Variants in L3MBTL3 observed in about 807,000 individuals in gnomAD.
L3MBTL3 encodes the protein L3MBTL histone methyl-lysine binding protein 3, also known as lethal(3)malignant brain tumor-like protein 3.
Under a neutral mutation model 102.3 loss-of-function variants are expected in L3MBTL3, and 27 were observed. The ratio of observed to expected loss-of-function variants is 0.26; its 90% CI spans 0.19 to 0.36. L3MBTL3 has a LOEUF of 0.36. Ranked by LOEUF, L3MBTL3 falls within the 10% of genes least tolerant of loss-of-function variation. The pLI, the probability that L3MBTL3 is intolerant of heterozygous loss-of-function variation, is 1.00. For synonymous variants in L3MBTL3, 340 were observed against 320.9 expected, an observed-to-expected ratio of 1.06 and a Z score of -0.64; for missense variants, 798 against 955.3, an observed-to-expected ratio of 0.84 and a Z score of 2.17.
At chr6:130,061,758 G>A (rs183069356) in intron 10 of L3MBTL3, among the ~76,000 whole-genome samples, 59 of 152,286 alleles carry the variant, frequency 3.9e-4, no homozygotes, top group African/African-American at 1.2e-3. Flanking sequence ...AGCGCAAGGC[G>A]TGAGTTGCTA....
chr6:130,037,202 T>G (rs1319077298), intron 2 of L3MBTL3, among the ~76,000 whole-genome samples: 1 of 152,208 alleles, frequency 6.6e-6, no homozygotes, highest in African/African-American at 2.4e-5. Flanking sequence ...TGCTATTATA[T>G]TTATGGAGAC....
chr6:130,138,452 CG>C (rs1447567803), intron 22 of L3MBTL3: 1 of 152,294 alleles, frequency 6.6e-6, no homozygotes, highest in Non-Finnish European at 1.5e-5. Flanking sequence ...TGGGTCTTTA[CG>C]TTGCCTTCCC....
intron 20 of L3MBTL3, among the ~76,000 whole-genome samples, chr6:130,128,177 T>C: frequency 6.6e-6 from 1 of 152,192 alleles, no homozygotes; most frequent in Non-Finnish European, 1.5e-5. Context: ...TGCAGTAAAC[T>C]TTAGTAGTGA....
At position 130,049,746 on chromosome 6, in the gene L3MBTL3, ACATCTCC is replaced by A. The variant is rs1780972408; in HGVS notation, c.215-9_215-3del. On this transcript the variant is annotated splice_region_variant and splice_polypyrimidine_tract_variant and intron_variant, in intron 4 of 22. Transcript: ENST00000361794. ...CTATATGCTGATGACTCCTAAATCT[ACATCTCC>A]AGCCCCGACCTCTCCCCCGAGCTCC... is the stretch of plus-strand genomic sequence containing the variant. The A allele has an allele frequency of 6.2e-7, 1 of 1,613,916 alleles. No individual in the cohort carries two copies. Among genetic ancestry groups the A allele is most frequent in the African/African-American group, 1.3e-5 (1 of 75,010 alleles).
At chr6:130,106,705 T>A (rs1310187749) in intron 19 of L3MBTL3, among the ~76,000 whole-genome samples, 1 of 152,174 alleles carries the variant, frequency 6.6e-6, no homozygotes, top group Non-Finnish European at 1.5e-5. Context: ...AATCATCTCC[T>A]CCCCTTCCAA....
intron 3 of L3MBTL3, among the ~76,000 whole-genome samples, chr6:130,044,319 A>T (rs927212483): frequency 6.6e-6 from 1 of 152,176 alleles, no homozygotes; most frequent in Non-Finnish European, 1.5e-5. Flanking sequence ...GTGACTTACT[A>T]TGTACAGTGC....
intron 9 of L3MBTL3, among the ~76,000 whole-genome samples, chr6:130,059,480 A>G (rs899432376): frequency 5.3e-5 from 8 of 152,224 alleles, no homozygotes; most frequent in African/African-American, 1.9e-4. Context: ...TTGCACATAC[A>G]TGCATGTATA....
At chr6:130,035,689 C>T (rs1333755216) in intron 2 of L3MBTL3, among the ~76,000 whole-genome samples, 1 of 152,150 alleles carries the variant, frequency 6.6e-6, no homozygotes, top group Non-Finnish European at 1.5e-5. Flanking sequence ...CAGCCATGGT[C>T]AGCCATGACA....
chr6:130,092,633 T>C, intron 16 of L3MBTL3, 112 bp from the exon 17 acceptor site: 1 of 619,966 alleles, frequency 1.6e-6, no homozygotes, highest in Non-Finnish European at 2.9e-6. Flanking sequence ...ATTTATTGGG[T>C]TTTAAATCTA....
chr6:130,113,990 C>T (rs1329683182), intron 19 of L3MBTL3, among the ~76,000 whole-genome samples: 1 of 152,184 alleles, frequency 6.6e-6, no homozygotes, highest in African/African-American at 2.4e-5. Flanking sequence ...ATGAGGTCTT[C>T]TGGGCCGAGA....
intron 13 of L3MBTL3, among the ~76,000 whole-genome samples, chr6:130,074,439 A>G (rs1488113690): frequency 6.6e-6 from 1 of 152,170 alleles, no homozygotes; most frequent in Non-Finnish European, 1.5e-5. Context: ...CAGTTGTTAG[A>G]TTTAGGAATA....
At position 130,104,429 on chromosome 6, in the gene L3MBTL3, T is replaced by C; in HGVS notation, c.1740T>C (p.Ala580=). Residue 580 remains alanine, a synonymous_variant, in exon 19 of 23, where the codon GCT becomes GCC. Transcript: ENST00000361794. The part of the protein sequence containing the change: ...KRARHLGPHS[A]ANCPYSEINL... Reference sequence around the variant, plus strand: ...TTCTTTTCTTTTAATCTGTTAGTGCTGCCAACTGTCCCTATTCAGAAATCA... The same window carrying C: ...TTCTTTTCTTTTAATCTGTTAGTGCCGCCAACTGTCCCTATTCAGAAATCA... 1 of 1,542,896 alleles carries C rather than the reference T, an allele frequency of 6.5e-7. No individual in the cohort carries two copies. Among genetic ancestry groups the C allele is most frequent in the Non-Finnish European group, 8.7e-7 (1 of 1,149,590 alleles).
chr6:130,043,634 C>T lies in L3MBTL3; in HGVS notation c.102+833C>T, dbSNP rs912426550. Among the ~76,000 whole-genome samples, 7 of 152,326 alleles carry T rather than the reference C, an allele frequency of 4.6e-5. 1 individual carries two copies. The South Asian group carries it at 1.5e-3, about 32-fold the overall frequency. ...GTATTTGAACTTCACATCTCCCCAACAGGCCATTGCTGGGCTTACCTCTCA... is the reference window on the plus strand; with the variant it reads ...GTATTTGAACTTCACATCTCCCCAATAGGCCATTGCTGGGCTTACCTCTCA... On this transcript the variant is annotated intron_variant, in intron 3 of 22. Coordinates refer to ENST00000361794, the MANE Select transcript of L3MBTL3 (RefSeq NM_032438.4).
chr6:130,125,540 G>A (rs1786539869), intron 20 of L3MBTL3, among the ~76,000 whole-genome samples: 1 of 152,092 alleles, frequency 6.6e-6, no homozygotes, highest in Admixed American at 6.5e-5. Flanking sequence ...AAGGTCTTTT[G>A]TGAAGAACAC....
chr6:130,127,219 C>G (rs1369490768), intron 20 of L3MBTL3, among the ~76,000 whole-genome samples: 1 of 152,134 alleles, frequency 6.6e-6, no homozygotes, highest in Non-Finnish European at 1.5e-5. Context: ...GATGAGACTT[C>G]TAAGTTGGCA....
Position 130,139,701 on chromosome 6 carries a change from A to G in L3MBTL3, c.2291A>G (p.Asn764Ser), listed in dbSNP as rs768279116. 3.7e-6 allele frequency: 6 copies of G among 1,613,270 alleles called. No homozygotes were observed. The highest frequency in any genetic ancestry group is 2.2e-5 in the East Asian group (1 of 44,804). The change falls in exon 23 of 23, where the codon AAT becomes AGT. Residue 764 changes from asparagine to serine, a missense_variant. By Grantham distance (46) the Asn-to-Ser change is conservative. Transcript: ENST00000361794. The part of the protein sequence containing the change: ...IKLGPALKIF[N>S]SILMFKAAEK... ...CTGGGCCCTGCTCTCAAAATTTTCA[A>G]TTCCATCCTGATGTTCAAAGCTGCA...
intron 20 of L3MBTL3, among the ~76,000 whole-genome samples, chr6:130,126,652 A>G (rs1394161335): frequency 6.6e-6 from 1 of 152,112 alleles, no homozygotes; most frequent in Admixed American, 6.6e-5. Context: ...CCTGTACTCA[A>G]CCAGAAATGA....
intron 18 of L3MBTL3, among the ~76,000 whole-genome samples, chr6:130,099,333 C>T (rs368024632): frequency 6.6e-6 from 1 of 152,080 alleles, no homozygotes; most frequent in East Asian, 1.9e-4. Context: ...AACATACACA[C>T]GTTATGTGGT....
intron 18 of L3MBTL3, among the ~76,000 whole-genome samples, chr6:130,100,290 G>A (rs2115314338): frequency 6.6e-6 from 1 of 152,268 alleles, no homozygotes; most frequent in East Asian, 1.9e-4. Flanking sequence ...ATTGAGTGGA[G>A]GATGAAGCAG....
Sources: gnomAD v4.1 joint callset for allele counts (sites outside exome capture counted in the v4.1 genomes callset) on GRCh38, gnomAD v4.1.1 for gene constraint, MANE v1.5 for transcripts, NCBI Gene and HGNC (gene_info 2026-07-23, HGNC 2026-07-21) for gene names.